SYN3: variants seen among roughly 807,000 people sequenced by gnomAD.
The protein encoded by SYN3 is synapsin-3.
SYN3 carries 35 observed loss-of-function variants against 65.8 expected under a neutral mutation model. The ratio of observed to expected loss-of-function variants is 0.53; its 90% CI spans 0.41 to 0.70. SYN3 has a LOEUF of 0.70. SYN3 is among the 30% of genes least tolerant of loss of function. SYN3 has a pLI of 0.00. For missense variants in SYN3, 680 were observed against 749.0 expected (o/e 0.91, Z 1.08); for synonymous variants, 270 against 292.9 (o/e 0.92, Z 0.80).
intron 6 of SYN3, among the ~76,000 whole-genome samples, chr22:32,697,757 C>G (rs900919447): frequency 1.3e-5 from 2 of 152,240 alleles, no homozygotes; most frequent in Non-Finnish European, 2.9e-5. Context: ...CATTCACATT[C>G]ACAGGCAACG....
intron 6 of SYN3, among the ~76,000 whole-genome samples, chr22:32,636,228 C>T (rs2059812549): frequency 6.6e-6 from 1 of 151,850 alleles, no homozygotes; most frequent in East Asian, 1.9e-4. Flanking sequence ...AGTGAAACCC[C>T]GTCTCTACTA....
At chr22:32,573,769 T>TG (rs1227963306) in intron 7 of SYN3, among the ~76,000 whole-genome samples, 117 of 142,772 alleles carry the variant, frequency 8.2e-4, no homozygotes, top group Admixed American at 2.2e-3. Flanking sequence ...AAGGGGTTTT[T>TG]TTTTTTTTTT....
rs1601502195 is a variant in SYN3 at position 32,837,517 on chromosome 22, G to A, written c.711+27398C>T. Among the ~76,000 whole-genome samples the A allele has an allele frequency of 1.3e-5, 2 of 152,190 alleles. No individual in the cohort carries two copies. The highest frequency in any genetic ancestry group is 4.8e-5 in the African/African-American group (2 of 41,442). ...CACTCCAAGAGGTGAAAGGGCTTGAGGGGAGACAGGGTACGGCGGGAGACA... is the reference window on the plus strand; with the variant it reads ...CACTCCAAGAGGTGAAAGGGCTTGAAGGGAGACAGGGTACGGCGGGAGACA... On this transcript the variant is annotated intron_variant, in intron 6 of 13. Transcript: ENST00000358763. The surrounding 1 kb of genome is among the most constrained non-coding windows in gnomAD (Gnocchi z 4.1).
At chr22:32,726,388 G>A (rs1418465456) in intron 6 of SYN3, among the ~76,000 whole-genome samples, 8 of 152,134 alleles carry the variant, frequency 5.3e-5, no homozygotes, top group Admixed American at 3.3e-4. Flanking sequence ...TGATCTGCCC[G>A]CCTTGGCCTC....
chr22:32,553,987 C>G (rs984255855), intron 7 of SYN3, among the ~76,000 whole-genome samples: 2 of 152,216 alleles, frequency 1.3e-5, no homozygotes, highest in South Asian at 4.1e-4. Flanking sequence ...CCACCACGGT[C>G]CACACCATCA....
chr22:32,987,921 G>A (rs1487830623), intron 2 of SYN3, among the ~76,000 whole-genome samples: 1 of 152,148 alleles, frequency 6.6e-6, no homozygotes, highest in Non-Finnish European at 1.5e-5. Context: ...TAAAAAGAAT[G>A]AGTACTACGA....
At chr22:32,742,112 A>C (rs1444531725) in intron 6 of SYN3, among the ~76,000 whole-genome samples, 1 of 151,842 alleles carries the variant, frequency 6.6e-6, no homozygotes, top group East Asian at 1.9e-4. Context: ...CCTCTACTAA[A>C]AAAATACAAA....
At chr22:32,766,283 C>T (rs1172544515) in intron 6 of SYN3, among the ~76,000 whole-genome samples, 2 of 152,192 alleles carry the variant, frequency 1.3e-5, no homozygotes, top group Non-Finnish European at 2.9e-5. Context: ...TCTTCTTCTA[C>T]TTCTCATGAT....
chr22:32,646,931 A>G (rs2059991946), intron 6 of SYN3, among the ~76,000 whole-genome samples: 1 of 152,184 alleles, frequency 6.6e-6, no homozygotes, highest in Non-Finnish European at 1.5e-5. Flanking sequence ...TATGGAGAGT[A>G]AAAAGCCATC....
chr22:32,967,388 C>T (rs985534105), intron 3 of SYN3, among the ~76,000 whole-genome samples: 8 of 152,314 alleles, frequency 5.3e-5, no homozygotes, highest in Admixed American at 3.9e-4. Context: ...CACATAAACT[C>T]GTTCTCTGCT....
At chr22:32,618,942 C>T (rs953638569) in intron 6 of SYN3, among the ~76,000 whole-genome samples, 5 of 152,118 alleles carry the variant, frequency 3.3e-5, no homozygotes, top group African/African-American at 1.2e-4. Context: ...TCAGTTTACC[C>T]ACTGGTAAAA....
intron 6 of SYN3, among the ~76,000 whole-genome samples, chr22:32,624,223 T>TCTCTG (rs1326795626): frequency 6.6e-6 from 1 of 152,192 alleles, no homozygotes; most frequent in East Asian, 1.9e-4. Flanking sequence ...CGGTGCCTGT[T>TCTCTG]CTCTGCCAAT....
intron 1 of SYN3, among the ~76,000 whole-genome samples, chr22:33,010,669 T>G (rs1231151030): frequency 6.6e-6 from 1 of 152,228 alleles, no homozygotes. Context: ...ATATGCATTT[T>G]AAAATCAACT....
chr22:32,958,161 T>C (rs1322697055), intron 3 of SYN3, among the ~76,000 whole-genome samples: 1 of 152,180 alleles, frequency 6.6e-6, no homozygotes, highest in Non-Finnish European at 1.5e-5. Context: ...TCCAACCCTG[T>C]AGGCTCAGAG....
chr22:32,956,061 T>TATATATATATATATATATATATATAA (rs1263294092), intron 3 of SYN3, among the ~76,000 whole-genome samples: 1 of 142,918 alleles, frequency 7.0e-6, no homozygotes, highest in Non-Finnish European at 1.5e-5. Flanking sequence ...TATATATATA[T>TATATATATATATATATATATATATAA]AAAATCTCCT....
chr22:32,843,929 TTG>T (rs146581623), intron 6 of SYN3, among the ~76,000 whole-genome samples: 5 of 151,362 alleles, frequency 3.3e-5, no homozygotes, highest in African/African-American at 1.2e-4. Context: ...AATGGGGGTG[TTG>T]TGTGTGTGTG....
At chr22:32,650,232 TCCC>T (rs1569124546) in intron 6 of SYN3, among the ~76,000 whole-genome samples, 2,359 of 80,832 alleles carry the variant, frequency 0.029, 139 homozygotes, top group African/African-American at 0.12. Flanking sequence ...TCTCTCTCTC[TCCC>T]TCCCTCCCTC....
At chr22:32,822,428 C>A (rs1053957089) in intron 6 of SYN3, among the ~76,000 whole-genome samples, 19 of 152,174 alleles carry the variant, frequency 1.2e-4, no homozygotes, top group African/African-American at 4.1e-4. Flanking sequence ...TGGTCTCTCA[C>A]CTTCACAGGC....
At chr22:32,521,442 AT>A (rs34710233) in intron 12 of SYN3, among the ~76,000 whole-genome samples, 347 of 119,742 alleles carry the variant, frequency 2.9e-3, no homozygotes, top group African/African-American at 8.2e-3. Context: ...ACACCTCTTG[AT>A]TTTTTTTTTT....
Sources: allele counts gnomAD v4.1 joint callset (sites outside exome capture counted in the v4.1 genomes callset), GRCh38; gene constraint gnomAD v4.1.1; non-coding constraint Gnocchi (gnomAD v3.1); transcripts MANE v1.5; gene names NCBI Gene and HGNC (gene_info 2026-07-23, HGNC 2026-07-21).